Variants in PRDM5 observed in about 807,000 individuals in gnomAD.
PRDM5 encodes the protein PR domain zinc finger protein 5.
A neutral mutation model predicts 81.2 loss-of-function variants in PRDM5; 56 were observed. The ratio of observed to expected loss-of-function variants is 0.69; its 90% CI spans 0.56 to 0.86. The LOEUF (loss-of-function observed/expected upper bound fraction) is 0.86. PRDM5 is among the 40% of genes least tolerant of loss of function. The pLI, the probability that PRDM5 is intolerant of heterozygous loss-of-function variation, is 0.00. For missense variants in PRDM5, 697 were observed against 770.1 expected (o/e 0.91, Z 1.12); for synonymous variants, 267 against 256.4 (o/e 1.04, Z -0.39).
intron 5 of PRDM5, 26 bp downstream of exon 5, chr4:120,818,327 T>A: frequency 6.2e-7 from 1 of 1,604,944 alleles, no homozygotes; most frequent in Non-Finnish European, 8.5e-7. Context: ...CTTATAATTT[T>A]AAAGATATTT....
At chr4:120,721,827 G>A (rs1426425403) in intron 14 of PRDM5, among the ~76,000 whole-genome samples, 1 of 152,096 alleles carries the variant, frequency 6.6e-6, no homozygotes, top group Non-Finnish European at 1.5e-5. Flanking sequence ...TCACAGCCAT[G>A]TAGCCGTAAC....
intron 12 of PRDM5, among the ~76,000 whole-genome samples, 178 bp from the exon 13 acceptor site, chr4:120,777,459 T>C (rs544946756): frequency 1.3e-5 from 2 of 152,260 alleles, no homozygotes; most frequent in African/African-American, 4.8e-5. Flanking sequence ...CTCAAAAAAA[T>C]GTGCCTTAGA....
chr4:120,723,039 G>A (rs1001735493), intron 14 of PRDM5, among the ~76,000 whole-genome samples: 19 of 152,068 alleles, frequency 1.2e-4, no homozygotes, highest in Admixed American at 4.6e-4. Flanking sequence ...GGTTAGTTTG[G>A]GATAAAAATC....
At chr4:120,725,303 G>A (rs1578486277) in intron 14 of PRDM5, among the ~76,000 whole-genome samples, 1 of 142,300 alleles carries the variant, frequency 7.0e-6, no homozygotes, top group Non-Finnish European at 1.5e-5. Context: ...GCAAATTTGA[G>A]TTCAATCTTC....
chr4:120,820,779 A>G (rs1252087910), intron 4 of PRDM5, among the ~76,000 whole-genome samples: 1 of 152,270 alleles, frequency 6.6e-6, no homozygotes, highest in Non-Finnish European at 1.5e-5. Context: ...TCCTATATGC[A>G]GATGAGAAAG....
intron 14 of PRDM5, among the ~76,000 whole-genome samples, chr4:120,712,801 T>G (rs2149035455): frequency 6.6e-6 from 1 of 152,352 alleles, no homozygotes; most frequent in South Asian, 2.1e-4. Flanking sequence ...ATTTTCAATG[T>G]TGGGCATATG....
intron 14 of PRDM5, among the ~76,000 whole-genome samples, chr4:120,742,585 G>A (rs1742218122): frequency 6.6e-6 from 1 of 152,164 alleles, no homozygotes; most frequent in South Asian, 2.1e-4. Context: ...AGTGCTTAAA[G>A]GAGCTGATGG....
At chr4:120,687,043 TAGGA>T (rs148491595), downstream of PRDM5, among the ~76,000 whole-genome samples, 2,125 of 152,170 alleles carry the variant, frequency 0.014, 45 homozygotes, top group African/African-American at 0.047. Flanking sequence ...ATATATGCCT[TAGGA>T]AGGATGTTTT....
chr4:120,708,335 G>A (rs1736490204), intron 15 of PRDM5, among the ~76,000 whole-genome samples: 1 of 152,080 alleles, frequency 6.6e-6, no homozygotes, highest in Non-Finnish European at 1.5e-5. Context: ...ACTGATACAT[G>A]AGAAAATGTG....
At chr4:120,709,341 A>G (rs1462844383) in intron 15 of PRDM5, among the ~76,000 whole-genome samples, 1 of 152,182 alleles carries the variant, frequency 6.6e-6, no homozygotes, top group Non-Finnish European at 1.5e-5. Context: ...AGAGCTTTAT[A>G]TGTGTGCATT....
At chr4:120,892,183 T>C (rs994856788) in intron 2 of PRDM5, among the ~76,000 whole-genome samples, 2 of 152,208 alleles carry the variant, frequency 1.3e-5, no homozygotes, top group Non-Finnish European at 2.9e-5. Flanking sequence ...GTGTTTGCTA[T>C]GATTTTAGGG....
chr4:120,905,338 G>T (rs1765679088), intron 2 of PRDM5, among the ~76,000 whole-genome samples: 1 of 152,148 alleles, frequency 6.6e-6, no homozygotes, highest in South Asian at 2.1e-4. Context: ...GTATACTATG[G>T]ATAGGCTATA....
At chr4:120,798,933 G>T (rs568499152) in intron 9 of PRDM5, among the ~76,000 whole-genome samples, 1 of 152,248 alleles carries the variant, frequency 6.6e-6, no homozygotes, top group South Asian at 2.1e-4. Context: ...TATATAATAT[G>T]TATCAAATAA....
chr4:120,796,618 C>G (rs1751385596), intron 10 of PRDM5, among the ~76,000 whole-genome samples: 1 of 152,168 alleles, frequency 6.6e-6, no homozygotes, highest in African/African-American at 2.4e-5. Context: ...TGAACGCAGT[C>G]CTGCCCCGAA....
At chr4:120,886,227 C>T (rs1763425816) in intron 2 of PRDM5, among the ~76,000 whole-genome samples, 1 of 152,172 alleles carries the variant, frequency 6.6e-6, no homozygotes, top group Admixed American at 6.5e-5. Context: ...ATGTTATCAT[C>T]TGCAAAAGAA....
At chr4:120,915,480 A>AGC (rs397790939) in intron 1 of PRDM5, among the ~76,000 whole-genome samples, 3 of 151,046 alleles carry the variant, frequency 2.0e-5, no homozygotes, top group African/African-American at 7.3e-5. Context: ...GAACAAAGAG[A>AGC]CTTCCTCAGT....
chr4:120,758,919 C>T (rs1216097416), intron 13 of PRDM5, among the ~76,000 whole-genome samples: 1 of 152,082 alleles, frequency 6.6e-6, no homozygotes, highest in East Asian at 1.9e-4. Context: ...CCACGCCTGG[C>T]TAATTTTTTG....
intron 3 of PRDM5, among the ~76,000 whole-genome samples, chr4:120,835,927 G>C (rs1206740491): frequency 6.6e-6 from 1 of 152,138 alleles, no homozygotes. Context: ...CTTGGAGTCT[G>C]AGAGTAAAAG....
At chr4:120,712,069 T>C (rs1737072392) in intron 14 of PRDM5, among the ~76,000 whole-genome samples, 1 of 152,098 alleles carries the variant, frequency 6.6e-6, no homozygotes, top group African/African-American at 2.4e-5. Flanking sequence ...ACGAATTATC[T>C]GAGGTCAGCA....
Sources: allele counts gnomAD v4.1 joint callset (sites outside exome capture counted in the v4.1 genomes callset), GRCh38; gene constraint gnomAD v4.1.1; transcripts MANE v1.5; gene names NCBI Gene and HGNC (gene_info 2026-07-23, HGNC 2026-07-21).